The following OGFOD2 variants were observed in gnomAD, a reference collection of about 807,000 sequenced individuals.
OGFOD2 encodes 2-oxoglutarate and iron dependent oxygenase domain containing 2.
Under a neutral mutation model 31.1 loss-of-function variants are expected in OGFOD2, and 34 were observed. The ratio of observed to expected loss-of-function variants is 1.09; its 90% CI spans 0.83 to 1.45. The LOEUF is 1.45. OGFOD2 is among the 40% of genes most tolerant of loss of function. The pLI is 0.00. For synonymous variants in OGFOD2, 240 were observed against 192.3 expected (o/e 1.25, Z -2.05); for missense variants, 537 against 433.9 (o/e 1.24, Z -2.11).
chr12:122,979,985 C>T, exon 7 of OGFOD2: 2 of 396,238 alleles, frequency 5.0e-6, no homozygotes, highest in Non-Finnish European at 8.8e-6. Flanking sequence ...TTAGCACCTA[C>T]CTCCTAGAGC....
chr12:122,976,626 AC>A (rs1231997984), intron 2 of OGFOD2, 27 bp from the exon 3 acceptor site: 2 of 1,501,854 alleles, frequency 1.3e-6, no homozygotes, highest in East Asian at 4.5e-5. Context: ...GGGAGGCCCC[AC>A]CTGGTAACAA....
chr12:122,977,399 C>CGGA, intron 4 of OGFOD2: 1 of 247,362 alleles, frequency 4.0e-6, no homozygotes, highest in South Asian at 4.3e-5. Context: ...TGGCTCTGGG[C>CGGA]GGAGGCCTGC....
At chr12:122,976,266 C>A (rs754224938) in intron 2 of OGFOD2, 7 of 992,986 alleles carry the variant, frequency 7.0e-6, no homozygotes, top group Admixed American at 2.0e-5. Context: ...GCTGCCAGGG[C>A]TGCTGCCCCA....
chr12:122,976,577 G>A (rs1465363188), intron 2 of OGFOD2, 77 bp from the exon 3 acceptor site: 1 of 1,321,842 alleles, frequency 7.6e-7, no homozygotes, highest in East Asian at 2.3e-5. Flanking sequence ...GGCGTTCTGG[G>A]CTTCAGTTTC....
intron 2 of OGFOD2, 183 bp downstream of exon 2, chr12:122,976,050 GA>G: frequency 1.7e-6 from 1 of 602,210 alleles, no homozygotes; most frequent in Non-Finnish European, 3.0e-6. Flanking sequence ...GAGAGAAGGG[GA>G]AATGCTAAGT....
chr12:122,975,580 T>G, intron 1 of OGFOD2, 197 bp downstream of exon 1: 1 of 592,274 alleles, frequency 1.7e-6, no homozygotes, highest in South Asian at 2.0e-5. Context: ...GAGGAAGGAA[T>G]GAACAAGCAT....
Position 122,978,688 on chromosome 12 carries a change from G to A in OGFOD2, c.532-65G>A, listed in dbSNP as rs1341729280. ...GAAAGAAGGTCACAGTGGGATCACC[G>A]TGGAGTGGAAGCCCAGGGTTGCAGC... On this transcript the variant is annotated intron_variant, in intron 5 of 6. Transcript: ENST00000228922. The A allele has an allele frequency of 1.0e-5, 16 of 1,587,180 alleles. No homozygotes were observed. The Middle Eastern group carries it at 6.1e-4, about 60-fold the overall frequency.
chr12:122,976,689 G>A, exon 3 of OGFOD2: 1 of 1,613,406 alleles, frequency 6.2e-7, no homozygotes, highest in Non-Finnish European at 8.5e-7. Context: ...AGCGGCTGGG[G>A]CAGGAGTCAG....
intron 4 of OGFOD2, chr12:122,977,964 G>C (rs1341829425): frequency 2.5e-5 from 4 of 158,638 alleles, no homozygotes; most frequent in African/African-American, 9.6e-5. Flanking sequence ...TTCTCAGCCT[G>C]GTTTCTTCCC....
At chr12:122,975,988 C>T in intron 2 of OGFOD2, 121 bp downstream of exon 2, 4 of 651,336 alleles carry the variant, frequency 6.1e-6, no homozygotes, top group South Asian at 1.6e-5. Flanking sequence ...CCCTCACTTT[C>T]CTCCTTCCTG....
At chr12:122,979,176 T>A in exon 7 of OGFOD2, 2 of 1,611,576 alleles carry the variant, frequency 1.2e-6, no homozygotes, top group Non-Finnish European at 1.7e-6. Flanking sequence ...AGCCCGGCCC[T>A]TGGGCACTGG....
At chr12:122,976,053 ATGCTAAGT>A (rs1187745532) in intron 2 of OGFOD2, 186 bp downstream of exon 2, 29 of 601,158 alleles carry the variant, frequency 4.8e-5, no homozygotes, top group African/African-American at 2.6e-4. Context: ...AGAAGGGGAA[ATGCTAAGT>A]TGCTAAGTTG....
chr12:122,979,017 G>A lies in OGFOD2; in HGVS notation c.789+7G>A, dbSNP rs771707873. ...TTTTGGGGGCCTCTTCCAGGTGAGT[G>A]TGTGACCCATGCGGCAGGGCCTGGG... On this transcript the variant is annotated splice_region_variant and intron_variant, in intron 6 of 6. Transcript: ENST00000228922. 1.2e-5 allele frequency: 19 copies of A among 1,611,102 alleles called. No homozygotes were observed. Among genetic ancestry groups the A allele is most frequent in the Non-Finnish European group, 1.4e-5 (17 of 1,178,440 alleles).
chr12:122,977,752 G>A (rs1254041424), intron 4 of OGFOD2: 2 of 153,960 alleles, frequency 1.3e-5, no homozygotes, highest in Admixed American at 6.4e-5. Context: ...CCTGTGCTTT[G>A]TTGGGAGTCA....
chr12:122,976,887 C>T, exon 4 of OGFOD2: 1 of 1,607,922 alleles, frequency 6.2e-7, no homozygotes, highest in Non-Finnish European at 8.5e-7. Flanking sequence ...GCTCTGGCCC[C>T]CGAGTTCCTG....
Position 122,976,344 on chromosome 12 carries a change from G to T in OGFOD2, c.190-310G>T, listed in dbSNP as rs373877081. 9.9e-6 allele frequency: 16 copies of T among 1,611,786 alleles called. No homozygotes were observed. In the African/African-American group the frequency reaches 2.0e-4, roughly 20 times the overall value. ...CCCAGGAGAGTCCTCAGCAACCTCTGGAACACAGGACTTGGCCATGACTGT... is the reference window on the plus strand; with the variant it reads ...CCCAGGAGAGTCCTCAGCAACCTCTTGAACACAGGACTTGGCCATGACTGT... On this transcript the variant is annotated intron_variant, in intron 2 of 6. Coordinates refer to ENST00000228922, the Ensembl canonical transcript of OGFOD2.
intron 4 of OGFOD2, chr12:122,978,052 G>A (rs1266004511): frequency 6.0e-6 from 1 of 166,346 alleles, no homozygotes; most frequent in Non-Finnish European, 1.3e-5. Context: ...CCACTTCTGA[G>A]TTGGGGTACA....
chr12:122,979,228 T>C (rs1311527060), exon 7 of OGFOD2: 2 of 1,612,552 alleles, frequency 1.2e-6, no homozygotes, highest in East Asian at 2.2e-5. Flanking sequence ...GCCTCTGCTG[T>C]GCGCAACAGC....
chr12:122,976,234 C>T, intron 2 of OGFOD2: 1 of 705,800 alleles, frequency 1.4e-6, no homozygotes, highest in Middle Eastern at 2.9e-4. Flanking sequence ...CTCCTCACAC[C>T]TTACCATATA....
Sources: allele counts gnomAD v4.1 joint callset, GRCh38; gene constraint gnomAD v4.1.1; transcripts MANE v1.5; gene names NCBI Gene and HGNC (gene_info 2026-07-23, HGNC 2026-07-21).